The following CAMK1D variants were observed in gnomAD, a reference collection of about 807,000 sequenced individuals.
The protein encoded by CAMK1D is calcium/calmodulin-dependent protein kinase type 1D.
A neutral mutation model predicts 47.7 loss-of-function variants in CAMK1D; 9 were observed. That is an observed-to-expected ratio of 0.19 (90% CI 0.11 to 0.33). The LOEUF (loss-of-function observed/expected upper bound fraction) is 0.33. Among genes scored for constraint, CAMK1D ranks in the 10% least tolerant of loss-of-function variants. The probability of loss-of-function intolerance (pLI) is 1.00; values close to 1 mark genes in which losing one functional copy is unlikely to be tolerated. For synonymous variants in CAMK1D, 184 were observed against 184.9 expected, an observed-to-expected ratio of 0.99 and a Z score of 0.04; for missense variants, 291 against 488.7, an observed-to-expected ratio of 0.60 and a Z score of 3.81.
intron 5 of CAMK1D, among the ~76,000 whole-genome samples, chr10:12,787,729 C>T (rs1195672774): frequency 3.9e-5 from 6 of 152,224 alleles, no homozygotes; most frequent in Non-Finnish European, 8.8e-5. Flanking sequence ...AGGCCGGGCG[C>T]GGTGGCTCAC....
intron 6 of CAMK1D, among the ~76,000 whole-genome samples, chr10:12,807,978 C>T (rs952928725): frequency 6.6e-6 from 1 of 152,264 alleles, no homozygotes; most frequent in South Asian, 2.1e-4. Context: ...GGAATACAGC[C>T]CTGCCAGGCC....
intron 2 of CAMK1D, among the ~76,000 whole-genome samples, chr10:12,557,551 CAAAAA>C (rs5783273): frequency 1.2e-5 from 1 of 84,470 alleles, no homozygotes; most frequent in Non-Finnish European, 2.5e-5. Context: ...GACTCCATCT[CAAAAA>C]AAAAAAAAAA....
intron 1 of CAMK1D, among the ~76,000 whole-genome samples, chr10:12,526,338 C>T (rs955346762): frequency 2.0e-5 from 3 of 152,208 alleles, no homozygotes; most frequent in East Asian, 1.9e-4. Flanking sequence ...GTTTAATTCT[C>T]GAAGCCATGT....
intron 1 of CAMK1D, among the ~76,000 whole-genome samples, chr10:12,525,658 T>C (rs75868419): frequency 0.23 from 35,071 of 152,160 alleles, 4,308 homozygotes; most frequent in South Asian, 0.27. Context: ...TAAAGTTGTG[T>C]CTGATAATTC....
At chr10:12,571,739 C>A (rs10128231) in intron 2 of CAMK1D, among the ~76,000 whole-genome samples, 19 of 152,090 alleles carry the variant, frequency 1.2e-4, no homozygotes, top group Middle Eastern at 3.4e-3. Flanking sequence ...CTTAAAGCTC[C>A]GTGAAGGTAG....
At position 12,589,576 on chromosome 10, in the gene CAMK1D, C is replaced by T. The variant is rs1405300516; in HGVS notation, c.224+36220C>T. Among the ~76,000 whole-genome samples the T allele has an allele frequency of 2.6e-5, 4 of 152,180 alleles. No homozygotes were observed. The East Asian group carries it at 7.7e-4, about 29-fold the overall frequency. ...GAAATGAAAGAGCAGGCTCCCCAGC[C>T]CGGAATGAGCAAGTAACAAATCTTC... On this transcript the variant is annotated intron_variant, in intron 2 of 10. Transcript: ENST00000619168.
At chr10:12,588,098 C>T (rs1028435998) in intron 2 of CAMK1D, among the ~76,000 whole-genome samples, 5 of 151,888 alleles carry the variant, frequency 3.3e-5, no homozygotes, top group Admixed American at 2.0e-4. Context: ...TCCAAGGGAG[C>T]GGAGAAACTT....
At chr10:12,691,382 TATATATATATATATATATATAA>T (rs1368053907) in intron 3 of CAMK1D, among the ~76,000 whole-genome samples, 157 of 7,128 alleles carry the variant, frequency 0.022, 1 homozygote, top group East Asian at 0.043. Context: ...TATATAAATA[TATATATATATATATATATATAA>T]ATATATATAT....
chr10:12,745,658 A>G (rs1332667470), intron 3 of CAMK1D, among the ~76,000 whole-genome samples: 1 of 149,490 alleles, frequency 6.7e-6, no homozygotes, highest in African/African-American at 2.5e-5. Context: ...GCAGGAGTGC[A>G]ATGGTGTGAT....
rs1833957042 is a variant in CAMK1D at position 12,712,009 on chromosome 10, A to C, written c.299+45199A>C. ...AGGTTTCTCCTAAGTTTTTCAGTGG[A>C]AAATGTGATCGGCAAATGTATCAGC... On this transcript the variant is annotated intron_variant, in intron 3 of 10. Transcript: ENST00000619168. 7.2e-5 allele frequency among the ~76,000 whole-genome samples: 11 copies of C among 152,346 alleles called. No individual in the cohort carries two copies. The South Asian group carries it at 2.3e-3, about 32-fold the overall frequency.
At chr10:12,790,334 G>A (rs1442300637) in intron 5 of CAMK1D, among the ~76,000 whole-genome samples, 1 of 152,230 alleles carries the variant, frequency 6.6e-6, no homozygotes, top group Non-Finnish European at 1.5e-5. Flanking sequence ...CCTTAGCTCT[G>A]AGCTCCACTG....
chr10:12,785,151 C>T (rs1043082981), intron 5 of CAMK1D, among the ~76,000 whole-genome samples: 12 of 152,300 alleles, frequency 7.9e-5, no homozygotes, highest in East Asian at 5.8e-4. Flanking sequence ...GAAGGCTGGA[C>T]GTGCCGACTG....
At chr10:12,814,382 C>A in intron 7 of CAMK1D, 75 bp downstream of exon 7, 2 of 895,000 alleles carry the variant, frequency 2.2e-6, no homozygotes, top group Middle Eastern at 2.5e-4. Flanking sequence ...CCCTGACAGG[C>A]CCAGGGGACC....
rs186161742 is a variant in CAMK1D, at chr10:12,686,697, G to A, written c.299+19887G>A. On this transcript the variant is annotated intron_variant, in intron 3 of 10. Transcript: ENST00000619168. ...CTGCTTATTTGTACAGGAAGTGTCC[G>A]GAGGAATATATAGAAAACTGCTAGG... 2.6e-3 allele frequency among the ~76,000 whole-genome samples: 393 copies of A among 152,160 alleles called. 3 individuals are homozygous for A. Among genetic ancestry groups the A allele is most frequent in the East Asian group, 6.2e-3 (32 of 5,182 alleles).
intron 1 of CAMK1D, among the ~76,000 whole-genome samples, chr10:12,376,162 CAAAAAA>C (rs59804213): frequency 1.7e-5 from 1 of 59,988 alleles, no homozygotes; most frequent in Non-Finnish European, 2.7e-5. Flanking sequence ...GACTCTGTCC[CAAAAAA>C]AAAAAAAAAA....
At chr10:12,564,155 C>CTG (rs1483036078) in intron 2 of CAMK1D, among the ~76,000 whole-genome samples, 36,023 of 99,658 alleles carry the variant, frequency 0.36, 5,704 homozygotes, top group Non-Finnish European at 0.46. Flanking sequence ...CTGTCTCTCT[C>CTG]TCTCTCTCTC....
intron 2 of CAMK1D, among the ~76,000 whole-genome samples, chr10:12,579,068 C>T (rs566079512): frequency 1.3e-5 from 2 of 152,128 alleles, no homozygotes; most frequent in South Asian, 2.1e-4. Flanking sequence ...GGGCTTTCAC[C>T]GAGAAATTGA....
At chr10:12,557,408 C>T (rs2492946) in intron 2 of CAMK1D, among the ~76,000 whole-genome samples, 58,895 of 151,416 alleles carry the variant, frequency 0.39, 11,537 homozygotes, top group Middle Eastern at 0.57. Context: ...AAAAATTGGC[C>T]GGGTATGGTG....
chr10:12,693,911 TATATATAAAAATATATATAAC>T, intron 3 of CAMK1D, among the ~76,000 whole-genome samples: 1 of 109,684 alleles, frequency 9.1e-6, no homozygotes, highest in South Asian at 2.5e-4. Flanking sequence ...ATATATATAA[TATATATAAAAATATATATAAC>T]ATATATAAAA....
Sources: allele counts gnomAD v4.1 joint callset (sites outside exome capture counted in the v4.1 genomes callset), GRCh38; gene constraint gnomAD v4.1.1; transcripts MANE v1.5; gene names NCBI Gene and HGNC (gene_info 2026-07-23, HGNC 2026-07-21).